The following PDGFC variants were observed in gnomAD, a reference collection of about 807,000 sequenced individuals.
PDGFC encodes the protein platelet-derived growth factor C.
PDGFC carries 12 observed loss-of-function variants against 35.5 expected under a neutral mutation model. The ratio of observed to expected loss-of-function variants is 0.34; its 90% CI spans 0.22 to 0.55. The LOEUF (loss-of-function observed/expected upper bound fraction) is 0.55. PDGFC is among the 20% of genes least tolerant of loss of function. The probability of loss-of-function intolerance (pLI) is 0.91; values close to 1 mark genes in which losing one functional copy is unlikely to be tolerated. For synonymous variants in PDGFC, 159 were observed against 148.8 expected, an observed-to-expected ratio of 1.07 and a Z score of -0.50; for missense variants, 322 against 412.4, an observed-to-expected ratio of 0.78 and a Z score of 1.90.
At chr4:156,797,625 T>G (rs1227441099) in intron 3 of PDGFC, among the ~76,000 whole-genome samples, 2 of 152,050 alleles carry the variant, frequency 1.3e-5, no homozygotes. Flanking sequence ...AATAATGAAA[T>G]AAAGTAAAAT....
At chr4:156,943,674 A>G (rs1451995780) in intron 1 of PDGFC, among the ~76,000 whole-genome samples, 1 of 152,060 alleles carries the variant, frequency 6.6e-6, no homozygotes, top group Non-Finnish European at 1.5e-5. Context: ...TATCTAGCCA[A>G]GAAGATGGGC....
rs1014514685 is a variant in PDGFC at position 156,838,442 on chromosome 4, C to A, written c.314+11779G>T. ...ATCACAATTCTTCCTAGAGCTTTTG[C>A]GGAAAACTTTTTGTCTCTTTCAAAG... On this transcript the variant is annotated intron_variant, in intron 2 of 5. Transcript: ENST00000502773. Among the ~76,000 whole-genome samples the A allele has an allele frequency of 2.6e-5, 4 of 152,306 alleles. 1 individual carries two copies. Among genetic ancestry groups the A allele is most frequent in the Admixed American group, 2.6e-4 (4 of 15,300 alleles).
chr4:156,844,293 G>A (rs1729273487), intron 2 of PDGFC, among the ~76,000 whole-genome samples: 1 of 152,096 alleles, frequency 6.6e-6, no homozygotes, highest in Admixed American at 6.6e-5. Flanking sequence ...AGTTCAGTGT[G>A]CACTTCTAAA....
At chr4:156,952,045 C>G (rs1732096703) in intron 1 of PDGFC, among the ~76,000 whole-genome samples, 1 of 151,800 alleles carries the variant, frequency 6.6e-6, no homozygotes, top group South Asian at 2.1e-4. Flanking sequence ...AATATGTACA[C>G]TAAAACAAAA....
chr4:156,909,374 A>G (rs1730988766), intron 1 of PDGFC, among the ~76,000 whole-genome samples: 2 of 152,212 alleles, frequency 1.3e-5, no homozygotes, highest in African/African-American at 4.8e-5. Context: ...AGTTGGGACA[A>G]ACAGAATTCT....
At chr4:156,837,797 A>G (rs576895595) in intron 2 of PDGFC, among the ~76,000 whole-genome samples, 1 of 152,328 alleles carries the variant, frequency 6.6e-6, no homozygotes, top group Admixed American at 6.5e-5. Flanking sequence ...TTAGTGAGAC[A>G]GTGGTTGAGC....
chr4:156,863,514 C>T (rs1160110898), intron 1 of PDGFC, among the ~76,000 whole-genome samples: 1 of 152,040 alleles, frequency 6.6e-6, no homozygotes, highest in Admixed American at 6.6e-5. Flanking sequence ...ATAGGTAAAA[C>T]AACAAAAACA....
intron 3 of PDGFC, among the ~76,000 whole-genome samples, chr4:156,808,055 C>T (rs192327183): frequency 3.3e-5 from 5 of 151,946 alleles, no homozygotes; most frequent in African/African-American, 1.2e-4. Flanking sequence ...GGTAATATAG[C>T]GTAATATATT....
At chr4:156,964,227 T>A (rs896261741) in intron 1 of PDGFC, among the ~76,000 whole-genome samples, 4 of 151,790 alleles carry the variant, frequency 2.6e-5, no homozygotes, top group Non-Finnish European at 4.4e-5. Flanking sequence ...GTCAGCCATA[T>A]TATTCATCAC....
At chr4:156,832,897 T>C (rs1040918612) in intron 2 of PDGFC, among the ~76,000 whole-genome samples, 2 of 152,216 alleles carry the variant, frequency 1.3e-5, no homozygotes, top group African/African-American at 4.8e-5. Context: ...CCTGGGGGAC[T>C]ACTTATACTT....
intron 1 of PDGFC, among the ~76,000 whole-genome samples, chr4:156,943,241 C>T (rs1161323363): frequency 1.3e-5 from 2 of 152,008 alleles, no homozygotes; most frequent in African/African-American, 4.8e-5. Flanking sequence ...GAATTAATAC[C>T]TATGATGTAG....
intron 1 of PDGFC, among the ~76,000 whole-genome samples, chr4:156,864,415 A>T (rs1033424953): frequency 7.9e-5 from 12 of 152,338 alleles, no homozygotes; most frequent in African/African-American, 2.9e-4. Flanking sequence ...AAAAAGTATC[A>T]TATACATGAA....
At chr4:156,796,319 T>A (rs1180025172) in intron 3 of PDGFC, among the ~76,000 whole-genome samples, 1 of 152,038 alleles carries the variant, frequency 6.6e-6, no homozygotes, top group Non-Finnish European at 1.5e-5. Context: ...AATATTTTTA[T>A]TTAGTACCCC....
chr4:156,872,790 T>C (rs566998925), intron 1 of PDGFC, among the ~76,000 whole-genome samples: 8 of 152,196 alleles, frequency 5.3e-5, no homozygotes, highest in Admixed American at 1.3e-4. Flanking sequence ...TGCTAGGAAA[T>C]TAAAAATTTA....
chr4:156,862,421 T>A lies in PDGFC; in HGVS notation c.119-12005A>T, dbSNP rs1175235026. On this transcript the variant is annotated intron_variant, in intron 1 of 5. Transcript: ENST00000502773. Reference sequence around the variant, plus strand: ...AGAATAAACTGAAGAACATTCAAAATTGAACACTGATGAAACTACAAAATA... The same window carrying A: ...AGAATAAACTGAAGAACATTCAAAAATGAACACTGATGAAACTACAAAATA... Among the ~76,000 whole-genome samples the A allele has an allele frequency of 8.5e-5, 13 of 152,292 alleles. No individual in the cohort carries two copies. The East Asian group carries it at 2.5e-3, about 29-fold the overall frequency.
chr4:156,893,908 T>C (rs1560861065), intron 1 of PDGFC, among the ~76,000 whole-genome samples: 1 of 152,232 alleles, frequency 6.6e-6, no homozygotes, highest in Non-Finnish European at 1.5e-5. Flanking sequence ...ACATAATTTT[T>C]TTCTCTTTAT....
At chr4:156,763,543 CAATAT>C in intron 5 of PDGFC, among the ~76,000 whole-genome samples, 1 of 152,160 alleles carries the variant, frequency 6.6e-6, no homozygotes, top group East Asian at 1.9e-4. Flanking sequence ...TTGGAACTAC[CAATAT>C]AAAATTCGTT....
At chr4:156,929,252 A>AATC (rs1731490902) in intron 1 of PDGFC, among the ~76,000 whole-genome samples, 1 of 152,208 alleles carries the variant, frequency 6.6e-6, no homozygotes, top group Non-Finnish European at 1.5e-5. Context: ...TAAAAGTCTT[A>AATC]ATCAAATACT....
intron 1 of PDGFC, among the ~76,000 whole-genome samples, chr4:156,856,250 C>T (rs1729577270): frequency 1.3e-5 from 2 of 152,206 alleles, no homozygotes; most frequent in South Asian, 4.1e-4. Flanking sequence ...GGAACTACTA[C>T]AATTATTTAG....
Sources: allele counts gnomAD v4.1 joint callset (sites outside exome capture counted in the v4.1 genomes callset), GRCh38; gene constraint gnomAD v4.1.1; transcripts MANE v1.5; gene names NCBI Gene and HGNC (gene_info 2026-07-23, HGNC 2026-07-21).